PARD6G: variants seen among roughly 807,000 people sequenced by gnomAD.
PARD6G encodes the protein partitioning defective 6 homolog gamma.
PARD6G carries 7 observed loss-of-function variants against 10.7 expected under a neutral mutation model. The ratio of observed to expected loss-of-function variants is 0.66; its 90% CI spans 0.37 to 1.23. PARD6G has a LOEUF of 1.23. Among genes scored for constraint, PARD6G ranks in the 50% most tolerant of loss-of-function variants. PARD6G has a pLI of 0.02. For missense variants in PARD6G, 548 were observed against 571.8 expected (o/e 0.96, Z 0.42); for synonymous variants, 287 against 269.4 (o/e 1.07, Z -0.64).
At chr18:80,163,259 A>G (rs2052712685) in intron 2 of PARD6G, among the ~76,000 whole-genome samples, 1 of 152,142 alleles carries the variant, frequency 6.6e-6, no homozygotes, top group Non-Finnish European at 1.5e-5. Flanking sequence ...CCAGGAGAAG[A>G]GACTAAGGTT....
intron 2 of PARD6G, among the ~76,000 whole-genome samples, chr18:80,187,046 C>T (rs1380666463): frequency 1.3e-5 from 2 of 151,716 alleles, no homozygotes; most frequent in African/African-American, 2.4e-5. Flanking sequence ...TTGCAGTGAG[C>T]CGATTGCGCC....
chr18:80,226,151 GTTTTTTTTTTTTTTTTTT>G (rs10606939), intron 1 of PARD6G, among the ~76,000 whole-genome samples: 2 of 76,574 alleles, frequency 2.6e-5, no homozygotes, highest in East Asian at 4.6e-4. Context: ...AATGACTTCA[GTTTTTTTTTTTTTTTTTT>G]TTTTTTTTTT....
intron 1 of PARD6G, among the ~76,000 whole-genome samples, chr18:80,239,796 G>A (rs1298784084): frequency 6.6e-6 from 1 of 152,196 alleles, no homozygotes; most frequent in East Asian, 1.9e-4. Flanking sequence ...CGCCTCTCAG[G>A]GATGCCCCGG....
intron 2 of PARD6G, among the ~76,000 whole-genome samples, chr18:80,176,994 G>A (rs2052812129): frequency 7.1e-6 from 1 of 141,838 alleles, no homozygotes; most frequent in South Asian, 2.3e-4. Flanking sequence ...ATAAATCACA[G>A]CCCAAAAGAG....
intron 1 of PARD6G, among the ~76,000 whole-genome samples, chr18:80,243,911 T>C (rs1051138024): frequency 5.3e-5 from 8 of 152,106 alleles, no homozygotes; most frequent in African/African-American, 1.9e-4. Flanking sequence ...AACTCGGGGC[T>C]CTGGGCTGAG....
intron 2 of PARD6G, among the ~76,000 whole-genome samples, chr18:80,193,167 G>A (rs1185842301): frequency 6.6e-6 from 1 of 152,108 alleles, no homozygotes; most frequent in East Asian, 1.9e-4. Context: ...TCCTGACCCT[G>A]ACGTCCTCCC....
intron 1 of PARD6G, among the ~76,000 whole-genome samples, chr18:80,229,170 C>T (rs530648865): frequency 6.6e-6 from 1 of 152,276 alleles, no homozygotes; most frequent in East Asian, 1.9e-4. Context: ...GCACTCCTGA[C>T]CTTGTGATCC....
In PARD6G at chr18:80,247,482, C is replaced by G; in HGVS notation, c.-134G>C. Reference sequence around the variant, plus strand: ...CTTGGCCGGCGGGCTGCTCCCGGTGCTGCGGGCCCGAGCTGGGCTGGCCGC... The same window carrying G: ...CTTGGCCGGCGGGCTGCTCCCGGTGGTGCGGGCCCGAGCTGGGCTGGCCGC... On this transcript the variant is annotated 5_prime_UTR_variant, in exon 1 of 3. Transcript: ENST00000353265. The surrounding 1 kb of genome is among the most constrained non-coding windows in gnomAD (Gnocchi z 4.2). 7.4e-6 allele frequency: 3 copies of G among 406,594 alleles called. No individual in the cohort carries two copies. Among genetic ancestry groups the G allele is most frequent in the Non-Finnish European group, 1.0e-5 (3 of 287,850 alleles). 25.2% of individuals were successfully genotyped at this position (406,594 alleles called of 1,614,324 possible).
In PARD6G at chr18:80,158,012, T is replaced by C. The variant is rs1035884581; in HGVS notation, c.*1759A>G. The stretch of plus-strand genomic sequence containing the variant: ...AAAAATATTTCTTTACCTGTATCTG[T>C]ATGAAAGATTTGGTCAGAGTTCTCA... On this transcript the variant is annotated 3_prime_UTR_variant, in exon 3 of 3. Coordinates refer to ENST00000353265, the MANE Select transcript of PARD6G (RefSeq NM_032510.4). 1 of 152,216 alleles carries C rather than the reference T, an allele frequency of 6.6e-6. No homozygotes were observed. Among genetic ancestry groups the C allele is most frequent in the Non-Finnish European group, 1.5e-5 (1 of 68,036 alleles). 9.4% of individuals were successfully genotyped at this position (152,216 alleles called of 1,614,324 possible). A position where few individuals can be genotyped will look rare whatever the true frequency, so the allele number is the denominator to read the frequency against.
At position 80,228,349 on chromosome 18, in the gene PARD6G, A is replaced by G. The variant is rs1967319435; in HGVS notation, c.72+18928T>C. The stretch of plus-strand genomic sequence containing the variant: ...GGAGTTCCCGGACACACGGTCCTGG[A>G]GAACACAGGCCACATGCACAAGGCC... On this transcript the variant is annotated intron_variant, in intron 1 of 2. Coordinates refer to ENST00000353265, the MANE Select transcript of PARD6G (RefSeq NM_032510.4). The surrounding 1 kb of genome is among the most constrained non-coding windows in gnomAD (Gnocchi z 4.6). 6.6e-6 allele frequency among the ~76,000 whole-genome samples: 1 copy of G among 152,088 alleles called. No homozygotes were observed. Among genetic ancestry groups the G allele is most frequent in the African/African-American group, 2.4e-5 (1 of 41,418 alleles).
In PARD6G at chr18:80,193,287, A is replaced by G. The variant is rs544435540; in HGVS notation, c.295+9423T>C. 5.3e-5 allele frequency among the ~76,000 whole-genome samples: 8 copies of G among 152,322 alleles called. No individual in the cohort carries two copies. In the East Asian group the frequency reaches 1.5e-3, roughly 29 times the overall value. ...TCACGCATGGCCTGGGGAAGGGTCC[A>G]GGAGCTCCCCAGAGACTCAACAAAC... is the stretch of plus-strand genomic sequence containing the variant. On this transcript the variant is annotated intron_variant, in intron 2 of 2. Transcript: ENST00000353265.
chr18:80,219,216 G>GTTTGTTTT (rs1568440322), intron 1 of PARD6G, among the ~76,000 whole-genome samples: 1 of 152,030 alleles, frequency 6.6e-6, no homozygotes, highest in East Asian at 1.9e-4. Flanking sequence ...TTGTTTGTTT[G>GTTTGTTTT]TTTGTTTGTT....
chr18:80,230,984 T>C (rs1234941803), intron 1 of PARD6G, among the ~76,000 whole-genome samples: 1 of 152,042 alleles, frequency 6.6e-6, no homozygotes, highest in Admixed American at 6.5e-5. Context: ...TGAGGCTGAA[T>C]TCAAAAAGGG....
intron 1 of PARD6G, among the ~76,000 whole-genome samples, chr18:80,206,769 C>T (rs1967057879): frequency 6.6e-6 from 1 of 152,208 alleles, no homozygotes; most frequent in African/African-American, 2.4e-5. Context: ...AAATACTTAA[C>T]AGTAAATGAA....
rs1306911490 is a variant in PARD6G, at chr18:80,188,586, GT to G, written c.295+14123del. On this transcript the variant is annotated intron_variant, in intron 2 of 2. Coordinates refer to ENST00000353265, the MANE Select transcript of PARD6G (RefSeq NM_032510.4). The surrounding 1 kb of genome is among the most constrained non-coding windows in gnomAD (Gnocchi z 5.4). ...CATCCCAGCCCTCCTCGGATGCCCA[GT>G]TCGCCAGAGGAAGGGTCTCTCTGTT... 6.6e-6 allele frequency among the ~76,000 whole-genome samples: 1 copy of G among 152,326 alleles called. No individual in the cohort carries two copies. The highest frequency in any genetic ancestry group is 1.9e-4 in the East Asian group (1 of 5,184).
Position 80,208,661 on chromosome 18 carries a change from T to C in PARD6G, c.73-5729A>G, listed in dbSNP as rs575428218. 2.5e-3 allele frequency among the ~76,000 whole-genome samples: 374 copies of C among 152,216 alleles called. 1 individual carries two copies. Among genetic ancestry groups the C allele is most frequent in the African/African-American group, 8.6e-3 (356 of 41,530 alleles). On this transcript the variant is annotated intron_variant, in intron 1 of 2. Transcript: ENST00000353265. ...GTATACACCTGTAGTCCCAGCTACT[T>C]GGAGGCTGAGGCAGGAGGATCACTT...
intron 1 of PARD6G, among the ~76,000 whole-genome samples, chr18:80,208,779 C>T (rs971824703): frequency 2.0e-5 from 3 of 152,064 alleles, no homozygotes; most frequent in African/African-American, 4.8e-5. Context: ...GATTGCATTG[C>T]TGTGCCTGGC....
At chr18:80,244,242 T>G (rs912646991) in intron 1 of PARD6G, among the ~76,000 whole-genome samples, 15 of 152,076 alleles carry the variant, frequency 9.9e-5, no homozygotes, top group Admixed American at 5.9e-4. Flanking sequence ...GAGGCCAAAG[T>G]CGAAGCTAAG....
At chr18:80,197,897 C>A (rs1966972951) in intron 2 of PARD6G, among the ~76,000 whole-genome samples, 1 of 152,194 alleles carries the variant, frequency 6.6e-6, no homozygotes, top group African/African-American at 2.4e-5. Flanking sequence ...AGACTCAAGT[C>A]CAGACCCTCT....
Sources: gnomAD v4.1 joint callset for allele counts (sites outside exome capture counted in the v4.1 genomes callset) on GRCh38, gnomAD v4.1.1 for gene constraint, Gnocchi (gnomAD v3.1) non-coding constraint, MANE v1.5 for transcripts, NCBI Gene and HGNC (gene_info 2026-07-23, HGNC 2026-07-21) for gene names.